Variants in ANKS1B observed in about 807,000 individuals in gnomAD.
ANKS1B encodes the protein ankyrin repeat and sterile alpha motif domain-containing protein 1B.
ANKS1B carries 36 observed loss-of-function variants against 148.3 expected under a neutral mutation model. That is an observed-to-expected ratio of 0.24 (90% CI 0.19 to 0.32). The LOEUF (loss-of-function observed/expected upper bound fraction) is 0.32, where lower values mean the gene tolerates loss of function less well. Among genes scored for constraint, ANKS1B ranks in the 10% least tolerant of loss-of-function variants. The probability of loss-of-function intolerance (pLI) is 1.00; values close to 1 mark genes in which losing one functional copy is unlikely to be tolerated. For missense variants in ANKS1B, 1,157 were observed against 1,542.6 expected (o/e 0.75, Z 4.19); for synonymous variants, 542 against 560.8 (o/e 0.97, Z 0.47).
chr12:99,440,486 G>A (rs2095532167), intron 11 of ANKS1B, among the ~76,000 whole-genome samples: 1 of 151,300 alleles, frequency 6.6e-6, no homozygotes. Flanking sequence ...ATACTGGAGA[G>A]AAACAAAGAG....
intron 10 of ANKS1B, among the ~76,000 whole-genome samples, chr12:99,467,702 G>C (rs2096151072): frequency 6.6e-6 from 1 of 152,046 alleles, no homozygotes; most frequent in Non-Finnish European, 1.5e-5. Flanking sequence ...GCTTCAAAGA[G>C]AATAAAATAC....
chr12:98,864,934 C>T (rs2099616944), intron 17 of ANKS1B, among the ~76,000 whole-genome samples: 1 of 152,188 alleles, frequency 6.6e-6, no homozygotes, highest in Non-Finnish European at 1.5e-5. Flanking sequence ...GCAGGATAAA[C>T]TTGAAGATAC....
chr12:98,815,634 C>A (rs2099133123), intron 19 of ANKS1B, among the ~76,000 whole-genome samples: 1 of 152,186 alleles, frequency 6.6e-6, no homozygotes, highest in Non-Finnish European at 1.5e-5. Context: ...GATGACCTCA[C>A]CTCCCTGTGA....
intron 9 of ANKS1B, among the ~76,000 whole-genome samples, chr12:99,590,258 C>CCA (rs374132496): frequency 0.021 from 2,739 of 132,704 alleles, 46 homozygotes; most frequent in East Asian, 0.07. Context: ...CCACACCCAC[C>CCA]CACACACACA....
Position 98,744,981 on chromosome 12 carries a change from A to T in ANKS1B, c.*758T>A. The T allele has an allele frequency of 1.0e-6, 1 of 985,828 alleles. No individual in the cohort carries two copies. Among genetic ancestry groups the T allele is most frequent in the Non-Finnish European group, 1.2e-6 (1 of 829,930 alleles). The allele number at this position is 985,828 out of a possible 1,614,324, so 61.1% of individuals were successfully genotyped here. On this transcript the variant is annotated 3_prime_UTR_variant, in exon 27 of 27. Coordinates refer to ENST00000683438, the MANE Select transcript of ANKS1B (RefSeq NM_001352186.2). Reference sequence around the variant, plus strand: ...TTAATTATTTGAAATGAAACCAGAAACATCCCTCGCAACTAACCTAGTTTT... The same window carrying T: ...TTAATTATTTGAAATGAAACCAGAATCATCCCTCGCAACTAACCTAGTTTT...
At chr12:99,879,983 T>C (rs1475344809) in intron 1 of ANKS1B, among the ~76,000 whole-genome samples, 2 of 152,196 alleles carry the variant, frequency 1.3e-5, no homozygotes, top group Non-Finnish European at 2.9e-5. Context: ...GCTAAGAGCA[T>C]GAGCTCTGAG....
chr12:99,498,193 C>A (rs1384131035), intron 10 of ANKS1B, among the ~76,000 whole-genome samples: 1 of 152,186 alleles, frequency 6.6e-6, no homozygotes, highest in African/African-American at 2.4e-5. Context: ...TCAACTTCAT[C>A]TTTCTCCAAT....
At chr12:99,260,651 T>G (rs1457900601) in intron 12 of ANKS1B, among the ~76,000 whole-genome samples, 2 of 152,216 alleles carry the variant, frequency 1.3e-5, no homozygotes, top group South Asian at 2.1e-4. Flanking sequence ...TCTATAAGGC[T>G]TTGGTGCTAT....
chr12:98,749,809 G>C (rs1264117577), intron 26 of ANKS1B, among the ~76,000 whole-genome samples: 4 of 152,170 alleles, frequency 2.6e-5, no homozygotes. Context: ...ATACTGCATA[G>C]GCCTGGGGCG....
At chr12:99,944,581 G>T (rs570262420) in intron 1 of ANKS1B, among the ~76,000 whole-genome samples, 2 of 152,242 alleles carry the variant, frequency 1.3e-5, no homozygotes, top group Non-Finnish European at 2.9e-5. Flanking sequence ...CTTGTAATGT[G>T]GAGGAATGGG....
intron 9 of ANKS1B, among the ~76,000 whole-genome samples, chr12:99,597,092 TAA>T (rs2097764300): frequency 6.6e-6 from 1 of 152,020 alleles, no homozygotes; most frequent in African/African-American, 2.4e-5. Context: ...TAACCAACAC[TAA>T]TATTGTCCAT....
At chr12:99,781,897 T>A in intron 5 of ANKS1B, 125 bp downstream of exon 5, 2 of 752,664 alleles carry the variant, frequency 2.7e-6, no homozygotes, top group South Asian at 1.9e-5. Context: ...TGAATACATA[T>A]CTGCATTTTA....
At chr12:98,803,828 TTTA>T (rs577148014) in intron 20 of ANKS1B, among the ~76,000 whole-genome samples, 26 of 152,182 alleles carry the variant, frequency 1.7e-4, no homozygotes, top group Non-Finnish European at 2.2e-4. Flanking sequence ...CTCACACACT[TTTA>T]TAATTAAACT....
At position 99,156,493 on chromosome 12, in the gene ANKS1B, AT is replaced by A. The variant is rs970768812; in HGVS notation, c.2420-2099del. On this transcript the variant is annotated intron_variant, in intron 14 of 26. Transcript: ENST00000683438. ...ATCAACTCCCAACTCCTCTGATGAC[AT>A]TTTGGGGTCTTCATGATTGACTGCA... Among the ~76,000 whole-genome samples, 37 of 152,232 alleles carry A rather than the reference AT, an allele frequency of 2.4e-4. 1 individual carries two copies. The highest frequency in any genetic ancestry group is 1.9e-3 in the Admixed American group (29 of 15,280).
chr12:98,802,820 A>G, intron 20 of ANKS1B, among the ~76,000 whole-genome samples: 1 of 151,240 alleles, frequency 6.6e-6, no homozygotes, highest in East Asian at 1.9e-4. Context: ...TTCGTTGCTG[A>G]TTTACTTTTA....
At chr12:99,709,308 A>G (rs1476623980) in intron 8 of ANKS1B, among the ~76,000 whole-genome samples, 2 of 152,162 alleles carry the variant, frequency 1.3e-5, no homozygotes, top group Admixed American at 6.5e-5. Context: ...AATGTACTTC[A>G]GTAAGCATCA....
intron 12 of ANKS1B, among the ~76,000 whole-genome samples, chr12:99,322,008 C>T (rs1345992514): frequency 1.3e-5 from 2 of 152,102 alleles, no homozygotes; most frequent in African/African-American, 4.8e-5. Flanking sequence ...CATTACTGGG[C>T]ATATACCCAA....
intron 9 of ANKS1B, among the ~76,000 whole-genome samples, chr12:99,591,022 C>T (rs539687058): frequency 3.4e-5 from 5 of 147,056 alleles, no homozygotes; most frequent in Admixed American, 2.8e-4. Flanking sequence ...TAAGTTCTTT[C>T]GGGTAAAGAA....
In ANKS1B at chr12:99,477,182, T is replaced by A. The variant is rs529051462; in HGVS notation, c.1438+27294A>T. Among the ~76,000 whole-genome samples, 9 of 152,174 alleles carry A rather than the reference T, an allele frequency of 5.9e-5. No homozygotes were observed. In the South Asian group the frequency reaches 1.7e-3, roughly 28 times the overall value. The stretch of plus-strand genomic sequence containing the variant: ...CAAATTACTCAGTCCAGTCTATACA[T>A]AAAGGGAAGAGATTAAACAAAGGCA... On this transcript the variant is annotated intron_variant, in intron 10 of 26. Coordinates refer to ENST00000683438, the MANE Select transcript of ANKS1B (RefSeq NM_001352186.2).
Sources: gnomAD v4.1 joint callset for allele counts (sites outside exome capture counted in the v4.1 genomes callset) on GRCh38, gnomAD v4.1.1 for gene constraint, MANE v1.5 for transcripts, NCBI Gene and HGNC (gene_info 2026-07-23, HGNC 2026-07-21) for gene names.